CTNNBIP1: variants seen among roughly 807,000 people sequenced by gnomAD.
CTNNBIP1 encodes beta-catenin-interacting protein 1.
Under a neutral mutation model 11.8 loss-of-function variants are expected in CTNNBIP1, and 7 were observed. The observed-to-expected ratio is 0.60, with a 90% CI of 0.34 to 1.12. CTNNBIP1 has a LOEUF of 1.12. CTNNBIP1 is among the 50% of genes most tolerant of loss of function. The pLI is 0.03. For synonymous variants in CTNNBIP1, 58 were observed against 43.9 expected, an observed-to-expected ratio of 1.32 and a Z score of -1.26; for missense variants, 101 against 113.4, an observed-to-expected ratio of 0.89 and a Z score of 0.50.
At chr1:9,881,167 C>T (rs185027424) in intron 2 of CTNNBIP1, among the ~76,000 whole-genome samples, 2 of 151,862 alleles carry the variant, frequency 1.3e-5, no homozygotes, top group Middle Eastern at 3.4e-3. Context: ...TCCTGCATGG[C>T]TGAACCACAG....
intron 1 of CTNNBIP1, among the ~76,000 whole-genome samples, chr1:9,899,455 CA>C (rs754593503): frequency 0.17 from 11,121 of 65,480 alleles, 397 homozygotes; most frequent in Non-Finnish European, 0.24. Context: ...GACTCCATCT[CA>C]AAAAAAAAAA....
At chr1:9,878,700 G>A (rs985994545) in intron 2 of CTNNBIP1, among the ~76,000 whole-genome samples, 1 of 152,154 alleles carries the variant, frequency 6.6e-6, no homozygotes, top group Admixed American at 6.5e-5. Flanking sequence ...ATGGATTGCC[G>A]AGTGGGCGGA....
At chr1:9,900,996 G>C (rs1375708998) in intron 1 of CTNNBIP1, among the ~76,000 whole-genome samples, 2 of 152,194 alleles carry the variant, frequency 1.3e-5, no homozygotes, top group African/African-American at 2.4e-5. Context: ...TTCTTGGTAA[G>C]TAAAATGGGA....
rs528945760 is a variant in CTNNBIP1, at chr1:9,864,133, AAG to A, written c.187+7052_187+7053del. 3.7e-3 allele frequency among the ~76,000 whole-genome samples: 565 copies of A among 152,298 alleles called. 11 individuals carry two copies. Among genetic ancestry groups the A allele is most frequent in the Middle Eastern group, 3.4e-3 (1 of 294 alleles). ...CCTTCCCTGGAAAGTGTCTTGGAGA[AAG>A]AGTGTGATCAGGTGGAGGCAGGAAC... On this transcript the variant is annotated intron_variant, in intron 5 of 5. Coordinates refer to ENST00000377263, the MANE Select transcript of CTNNBIP1 (RefSeq NM_020248.3).
intron 3 of CTNNBIP1, among the ~76,000 whole-genome samples, chr1:9,874,721 G>C (rs1022523204): frequency 1.3e-5 from 2 of 152,198 alleles, no homozygotes; most frequent in African/African-American, 4.8e-5. Context: ...ATGGAATAGT[G>C]AAACAGCCTG....
intron 1 of CTNNBIP1, among the ~76,000 whole-genome samples, chr1:9,905,871 A>G (rs1248964576): frequency 6.6e-6 from 1 of 152,220 alleles, no homozygotes; most frequent in African/African-American, 2.4e-5. Flanking sequence ...TGCCTAGCAC[A>G]TAGGTGCTCA....
intron 5 of CTNNBIP1, among the ~76,000 whole-genome samples, chr1:9,855,091 G>A (rs1338502822): frequency 1.3e-5 from 2 of 152,136 alleles, no homozygotes; most frequent in Non-Finnish European, 2.9e-5. Context: ...GTAAAATTAA[G>A]AAAATGATTC....
intron 1 of CTNNBIP1, among the ~76,000 whole-genome samples, chr1:9,905,460 T>C (rs1418800824): frequency 6.6e-6 from 1 of 151,994 alleles, no homozygotes; most frequent in Admixed American, 6.6e-5. Context: ...TCTTGCTTAG[T>C]CGCCCAGGCT....
At chr1:9,900,341 C>T (rs1385969706) in intron 1 of CTNNBIP1, among the ~76,000 whole-genome samples, 1 of 151,460 alleles carries the variant, frequency 6.6e-6, no homozygotes, top group Non-Finnish European at 1.5e-5. Context: ...GCTGTGATCA[C>T]GGTGAGCTGT....
chr1:9,902,762 T>A (rs1171560134), intron 1 of CTNNBIP1, among the ~76,000 whole-genome samples: 1 of 121,342 alleles, frequency 8.2e-6, no homozygotes, highest in Non-Finnish European at 1.5e-5. Context: ...GGGGAAGAAC[T>A]TTTTTTTTTT....
At chr1:9,896,007 C>A (rs369778209) in intron 1 of CTNNBIP1, among the ~76,000 whole-genome samples, 46 of 152,210 alleles carry the variant, frequency 3.0e-4, no homozygotes, top group Non-Finnish European at 5.7e-4. Flanking sequence ...CCCCCTCCCC[C>A]TCAATTTGGC....
chr1:9,872,221 G>A lies in CTNNBIP1; in HGVS notation c.-24-133C>T. ...ACAGTCTCCCTTCTGGGAGCATGGG[G>A]CAGGTGGCGAGGTGCTGGGTTCCTT... On this transcript the variant is annotated intron_variant, in intron 3 of 5. Coordinates refer to ENST00000377263, the MANE Select transcript of CTNNBIP1 (RefSeq NM_020248.3). This position sits in a 1 kb window ranked among gnomAD's most constrained non-coding sequence, Gnocchi z 4.0. The A allele has an allele frequency of 1.5e-6, 1 of 647,264 alleles. No homozygotes were observed. The highest frequency in any genetic ancestry group is 2.8e-6 in the Non-Finnish European group (1 of 360,482). 40.1% of individuals were successfully genotyped at this position (647,264 alleles called of 1,614,324 possible).
At chr1:9,898,927 G>T (rs1037546348) in intron 1 of CTNNBIP1, among the ~76,000 whole-genome samples, 3 of 151,872 alleles carry the variant, frequency 2.0e-5, no homozygotes, top group African/African-American at 7.3e-5. Flanking sequence ...TTATATTTTG[G>T]TTTTTCCCTG....
intron 1 of CTNNBIP1, among the ~76,000 whole-genome samples, chr1:9,903,753 T>G (rs1258891948): frequency 6.6e-6 from 1 of 152,222 alleles, no homozygotes; most frequent in Non-Finnish European, 1.5e-5. Context: ...GGAAAGGGCC[T>G]AGGATTCAAA....
chr1:9,895,536 G>T (rs186105268), intron 1 of CTNNBIP1, among the ~76,000 whole-genome samples: 6 of 145,850 alleles, frequency 4.1e-5, no homozygotes, highest in Admixed American at 6.8e-5. Context: ...TTGCTCTGTC[G>T]CCAGGCTAGA....
chr1:9,892,215 G>A (rs1330854229), intron 1 of CTNNBIP1, among the ~76,000 whole-genome samples: 1 of 152,024 alleles, frequency 6.6e-6, no homozygotes, highest in Non-Finnish European at 1.5e-5. Flanking sequence ...GAGGTCAGGA[G>A]ATCAAGACCA....
intron 5 of CTNNBIP1, among the ~76,000 whole-genome samples, chr1:9,866,232 G>A (rs1171334556): frequency 6.6e-6 from 1 of 152,248 alleles, no homozygotes; most frequent in Non-Finnish European, 1.5e-5. Flanking sequence ...GGGGAGTAAG[G>A]TGGGGGTGAA....
At position 9,849,898 on chromosome 1, in the gene CTNNBIP1, C is replaced by A. The variant is rs1018941758; in HGVS notation, c.*820G>T. ...GACACAAAGCTCCTCAGGGGCCCAA[C>A]TTTCCAGCTGTGGACCCTGCTCAGG... is the stretch of plus-strand genomic sequence containing the variant. On this transcript the variant is annotated 3_prime_UTR_variant, in exon 6 of 6. Coordinates refer to ENST00000377263, the MANE Select transcript of CTNNBIP1 (RefSeq NM_020248.3). 4.6e-5 allele frequency: 7 copies of A among 152,348 alleles called. No homozygotes were observed. The highest frequency in any genetic ancestry group is 1.2e-4 in the African/African-American group (5 of 41,550). The allele number at this position is 152,348 out of a possible 1,614,324, so 9.4% of individuals were successfully genotyped here. A position where few individuals can be genotyped will look rare whatever the true frequency, so the allele number is the denominator to read the frequency against.
In CTNNBIP1 at chr1:9,850,300, T is replaced by TC. The variant is rs200614855; in HGVS notation, c.*417dup. 6.3e-6 allele frequency: 1 copy of TC among 159,520 alleles called. No individual in the cohort carries two copies. The highest frequency in any genetic ancestry group is 2.4e-5 in the African/African-American group (1 of 41,186). 9.9% of individuals were successfully genotyped at this position (159,520 alleles called of 1,614,324 possible). On this transcript the variant is annotated 3_prime_UTR_variant, in exon 6 of 6. Coordinates refer to ENST00000377263, the MANE Select transcript of CTNNBIP1 (RefSeq NM_020248.3). The stretch of plus-strand genomic sequence containing the variant: ...TTCCCATTAACCAGCCAATCACAGA[T>TC]CCTTTCCAGTTTAAGCAGCCAATCA...
Sources: gnomAD v4.1 joint callset for allele counts (sites outside exome capture counted in the v4.1 genomes callset) on GRCh38, gnomAD v4.1.1 for gene constraint, Gnocchi (gnomAD v3.1) non-coding constraint, MANE v1.5 for transcripts, NCBI Gene and HGNC (gene_info 2026-07-23, HGNC 2026-07-21) for gene names.